CSNK1E: variants seen among roughly 807,000 people sequenced by gnomAD.
The protein encoded by CSNK1E is casein kinase 1 epsilon.
A neutral mutation model predicts 46.1 loss-of-function variants in CSNK1E; 17 were observed. That is an observed-to-expected ratio of 0.37 (90% confidence interval 0.25 to 0.55). CSNK1E has a LOEUF of 0.55. Ranked by LOEUF, CSNK1E falls within the 20% of genes least tolerant of loss-of-function variation. CSNK1E has a pLI of 0.82. For missense variants in CSNK1E, 386 were observed against 595.4 expected (o/e 0.65, Z 3.66); for synonymous variants, 241 against 242.6 (o/e 0.99, Z 0.06).
At chr22:38,297,630 C>T in intron 7 of CSNK1E, 3 of 994,552 alleles carry the variant, frequency 3.0e-6, no homozygotes, top group Non-Finnish European at 3.6e-6. Context: ...TTAATGAGTT[C>T]TGGTTCAACA....
chr22:38,306,608 G>A (rs1304305884), intron 2 of CSNK1E, among the ~76,000 whole-genome samples: 1 of 152,170 alleles, frequency 6.6e-6, no homozygotes, highest in African/African-American at 2.4e-5. Flanking sequence ...GCGCACGCCT[G>A]TAATCCCAGC....
chr22:38,313,507 C>T (rs2092729788), intron 2 of CSNK1E, among the ~76,000 whole-genome samples: 1 of 152,202 alleles, frequency 6.6e-6, no homozygotes, highest in South Asian at 2.1e-4. Flanking sequence ...GTTTAAAATG[C>T]AACATCACAG....
intron 2 of CSNK1E, among the ~76,000 whole-genome samples, chr22:38,312,656 G>A (rs1418560910): frequency 1.3e-5 from 2 of 152,200 alleles, no homozygotes; most frequent in Non-Finnish European, 2.9e-5. Flanking sequence ...ACTCAGCAAT[G>A]AACTGCACAT....
In CSNK1E at chr22:38,303,154, C is replaced by T; in HGVS notation, c.171G>A (p.Lys57=). 2 of 1,606,044 alleles carry T rather than the reference C, an allele frequency of 1.2e-6. No homozygotes were observed. The highest frequency in any genetic ancestry group is 1.7e-6 in the Non-Finnish European group (2 of 1,176,712). ...PQLHIESKFY[K]MMQGGVGIPS... is the part of the protein sequence containing the mutation. ...TGCGCTCACCGCCACCCTGCATCAT[C>T]TTGTAGAACTTGCTCTCGATGTGCA... Residue 57 remains lysine (K), a synonymous_variant, in exon 3 of 11, where the codon AAG becomes AAA. Coordinates refer to ENST00000396832, the MANE Select transcript of CSNK1E (RefSeq NM_152221.3). This position sits in a 1 kb window ranked among gnomAD's most constrained non-coding sequence, Gnocchi z 4.7.
intron 7 of CSNK1E, chr22:38,297,809 C>T: frequency 9.9e-7 from 1 of 1,007,952 alleles, no homozygotes; most frequent in Non-Finnish European, 1.2e-6. Context: ...CTCTTGGGAA[C>T]AGGGGGTCAT....
chr22:38,303,093 C>T lies in CSNK1E; in HGVS notation c.187+45G>A. ...GGCCCACCCTGTGCTCATGGCTGCC[C>T]ACCGCCACCCACCCGGCGCCCGCCG... On this transcript the variant is annotated intron_variant, in intron 3 of 10. Transcript: ENST00000396832. The surrounding 1 kb of genome is among the most constrained non-coding windows in gnomAD (Gnocchi z 4.7). The T allele has an allele frequency of 6.3e-7, 1 of 1,596,118 alleles. No homozygotes were observed. The highest frequency in any genetic ancestry group is 1.1e-5 in the South Asian group (1 of 89,928).
Position 38,294,542 on chromosome 22 carries a change from G to A in CSNK1E, c.886-8C>T. On this transcript the variant is annotated splice_polypyrimidine_tract_variant and splice_region_variant and intron_variant, in intron 7 of 10. Transcript: ENST00000396832. The surrounding 1 kb of genome is among the most constrained non-coding windows in gnomAD (Gnocchi z 5.5). ...GGGATTCCGGGCTGCACCCTGCAGG[G>A]ATGCAAGAAAAGACACCAGTCAGCC... is the stretch of plus-strand genomic sequence containing the variant. 6.3e-7 allele frequency: 1 copy of A among 1,575,564 alleles called. No homozygotes were observed. Among genetic ancestry groups the A allele is most frequent in the Non-Finnish European group, 8.6e-7 (1 of 1,162,720 alleles).
chr22:38,315,504 G>A (rs976721567), intron 1 of CSNK1E, among the ~76,000 whole-genome samples: 2 of 152,128 alleles, frequency 1.3e-5, no homozygotes, highest in Non-Finnish European at 2.9e-5. Context: ...GCTGCCAGGG[G>A]AACACAGTCC....
intron 1 of CSNK1E, among the ~76,000 whole-genome samples, chr22:38,316,180 A>G (rs746517463): frequency 1.1e-4 from 17 of 152,090 alleles, no homozygotes; most frequent in Admixed American, 2.0e-4. Context: ...AAAAAATTAG[A>G]CAAACTACCA....
At position 38,300,885 on chromosome 22, in the gene CSNK1E, AG is replaced by A. The variant is rs1214480655; in HGVS notation, c.403del (p.Leu135SerfsTer39). The stretch of plus-strand genomic sequence containing the variant: ...GTTGCCCTTCTTCCCCAGCCCCATG[AG>A]GAAGTTGTCGGGCTTGACGTCCCGG... ...IHRDVKPDNF[L>X]MGLGKKGNLV... On this transcript the variant is annotated frameshift_variant, in exon 5 of 11. Transcript: ENST00000396832. LOFTEE classifies it high-confidence loss of function. This position sits in a 1 kb window ranked among gnomAD's most constrained non-coding sequence, Gnocchi z 4.4. 1 of 1,613,952 alleles carries A rather than the reference AG, an allele frequency of 6.2e-7. No individual in the cohort carries two copies. The highest frequency in any genetic ancestry group is 8.5e-7 in the Non-Finnish European group (1 of 1,180,012).
chr22:38,296,568 T>C, intron 7 of CSNK1E: 1 of 1,612,418 alleles, frequency 6.2e-7, no homozygotes, highest in Non-Finnish European at 8.5e-7. Flanking sequence ...GAGTCAGAGA[T>C]TGGCAAAGGA....
At chr22:38,295,222 C>T (rs1363467852) in intron 7 of CSNK1E, among the ~76,000 whole-genome samples, 1 of 152,170 alleles carries the variant, frequency 6.6e-6, no homozygotes, top group Non-Finnish European at 1.5e-5. Context: ...AATGGGGCCA[C>T]GTTCCCCACG....
chr22:38,298,934 G>A lies in CSNK1E; in HGVS notation c.737C>T (p.Ser246Phe). 1 of 1,614,140 alleles carries A rather than the reference G, an allele frequency of 6.2e-7. No individual in the cohort carries two copies. Among genetic ancestry groups the A allele is most frequent in the Non-Finnish European group, 8.5e-7 (1 of 1,180,004 alleles). The change falls in exon 7 of 11, where the codon TCC becomes TTC. Residue 246 changes from serine to phenylalanine, a missense_variant and splice_region_variant. Coordinates refer to ENST00000396832, the MANE Select transcript of CSNK1E (RefSeq NM_152221.3). The surrounding 1 kb of genome is among the most constrained non-coding windows in gnomAD (Gnocchi z 4.2). ...GAAGTTGAGGTATGTTGAGAATTCGGCTGGAGGGTGTTGCAGAGGATAGAG... is the reference window on the plus strand; with the variant it reads ...GAAGTTGAGGTATGTTGAGAATTCGACTGGAGGGTGTTGCAGAGGATAGAG... ...PIEVLCKGYP[S>F]EFSTYLNFCR...
chr22:38,295,639 G>C (rs1051918756), intron 7 of CSNK1E, among the ~76,000 whole-genome samples: 2 of 152,182 alleles, frequency 1.3e-5, no homozygotes, highest in Non-Finnish European at 2.9e-5. Context: ...GGCCCAGAGA[G>C]GCCTTGTGAC....
In CSNK1E at chr22:38,290,844, C is replaced by A. The variant is rs577920523; in HGVS notation, c.*1127G>T. ...TTTTAAATTACAAAGTAATAAAAAG[C>A]TTTGCTCTTTAATTAAAAAAAAAAA... On this transcript the variant is annotated 3_prime_UTR_variant, in exon 11 of 11. Transcript: ENST00000396832. 2.9e-5 allele frequency: 4 copies of A among 138,730 alleles called. No homozygotes were observed. The highest frequency in any genetic ancestry group is 3.1e-5 in the Non-Finnish European group (2 of 64,558). The allele number at this position is 138,730 out of a possible 1,614,324, so 8.6% of individuals were successfully genotyped here.
intron 2 of CSNK1E, among the ~76,000 whole-genome samples, chr22:38,313,128 A>G (rs962042387): frequency 3.3e-5 from 5 of 152,174 alleles, no homozygotes; most frequent in Non-Finnish European, 7.4e-5. Context: ...AACCCTAACC[A>G]TGGGGTAACA....
intron 2 of CSNK1E, among the ~76,000 whole-genome samples, chr22:38,307,240 T>C (rs1366517472): frequency 6.6e-6 from 1 of 152,038 alleles, no homozygotes; most frequent in Admixed American, 6.6e-5. Context: ...GCATTTACAT[T>C]GTATTAGGTA....
At chr22:38,311,256 T>A (rs865828598) in intron 2 of CSNK1E, among the ~76,000 whole-genome samples, 20 of 152,192 alleles carry the variant, frequency 1.3e-4, no homozygotes, top group African/African-American at 4.6e-4. Context: ...GACAAGGTCA[T>A]CACCTGCTCA....
chr22:38,295,135 G>A (rs2092633424), intron 7 of CSNK1E, among the ~76,000 whole-genome samples: 1 of 152,162 alleles, frequency 6.6e-6, no homozygotes, highest in African/African-American at 2.4e-5. Context: ...TGCAGTGGAG[G>A]CCACAGCCAG....
Sources: gnomAD v4.1 joint callset for allele counts (sites outside exome capture counted in the v4.1 genomes callset) on GRCh38, gnomAD v4.1.1 for gene constraint, Gnocchi (gnomAD v3.1) non-coding constraint, MANE v1.5 for transcripts, NCBI Gene and HGNC (gene_info 2026-07-23, HGNC 2026-07-21) for gene names.